Variants in RORA observed in about 807,000 individuals in gnomAD.
RORA encodes the protein RAR related orphan receptor A.
Under a neutral mutation model 69.5 loss-of-function variants are expected in RORA, and 7 were observed. The observed-to-expected ratio is 0.10, with a 90% confidence interval of 0.06 to 0.19. The LOEUF (loss-of-function observed/expected upper bound fraction) is 0.19. Among genes scored for constraint, RORA ranks in the 10% least tolerant of loss-of-function variants. RORA has a pLI of 1.00. For synonymous variants in RORA, 261 were observed against 240.8 expected (o/e 1.08, Z -0.78); for missense variants, 457 against 663.0 (o/e 0.69, Z 3.41).
chr15:60,819,763 A>ACACACACACACACACACACACACGCG (rs2072866427), intron 1 of RORA, among the ~76,000 whole-genome samples: 1 of 140,806 alleles, frequency 7.1e-6, no homozygotes, highest in Admixed American at 7.5e-5. Flanking sequence ...ACACACACAC[A>ACACACACACACACACACACACACGCG]CACACACACA....
rs202004173 is a variant in RORA, at chr15:60,627,578, C to A, written c.196+51079G>T. On this transcript the variant is annotated intron_variant, in intron 2 of 10. Transcript: ENST00000335670. The stretch of plus-strand genomic sequence containing the variant: ...CCAGCCACAAAGAATGAGGTACTTA[C>A]AATTCTCCCATAATTGTTGACTAAA... The A allele has an allele frequency of 7.1e-6, 9 of 1,268,042 alleles. No homozygotes were observed. In the Admixed American group the frequency reaches 1.8e-4, roughly 26 times the overall value. 78.5% of individuals were successfully genotyped at this position (1,268,042 alleles called of 1,614,324 possible).
chr15:60,545,617 A>G (rs774617676), intron 2 of RORA, among the ~76,000 whole-genome samples: 3 of 152,188 alleles, frequency 2.0e-5, no homozygotes, highest in Non-Finnish European at 4.4e-5. Context: ...AGAAAAATCA[A>G]GCCTTTTCCC....
At chr15:60,683,537 A>G (rs2070685865) in intron 1 of RORA, among the ~76,000 whole-genome samples, 1 of 152,152 alleles carries the variant, frequency 6.6e-6, no homozygotes, top group African/African-American at 2.4e-5. Flanking sequence ...AAGGTTATAT[A>G]AGTAAAAGAT....
intron 2 of RORA, among the ~76,000 whole-genome samples, chr15:60,574,208 G>C (rs1038023569): frequency 8.5e-5 from 13 of 152,178 alleles, no homozygotes; most frequent in Admixed American, 5.9e-4. Flanking sequence ...TAGACAGGTT[G>C]CTCTGCGTCT....
chr15:60,615,156 T>G, intron 2 of RORA: 1 of 1,172,024 alleles, frequency 8.5e-7, no homozygotes, highest in East Asian at 2.5e-5. Context: ...TTTCCTCATC[T>G]TAGTGCTAGT....
At chr15:61,182,103 T>A (rs1463886454) in intron 1 of RORA, among the ~76,000 whole-genome samples, 1 of 152,250 alleles carries the variant, frequency 6.6e-6, no homozygotes, top group Non-Finnish European at 1.5e-5. Context: ...CTGTTTTCTT[T>A]ACTGTATTGT....
intron 1 of RORA, among the ~76,000 whole-genome samples, chr15:60,900,598 G>A (rs1285391479): frequency 6.6e-6 from 1 of 152,088 alleles, no homozygotes; most frequent in East Asian, 1.9e-4. Flanking sequence ...TATGGGCTGG[G>A]TGCAGTGGCT....
intron 1 of RORA, among the ~76,000 whole-genome samples, chr15:61,118,441 A>C (rs1318838859): frequency 6.6e-6 from 1 of 152,234 alleles, no homozygotes; most frequent in Non-Finnish European, 1.5e-5. Context: ...TTATTAAGGA[A>C]AACAACCAAA....
At chr15:60,793,722 G>A (rs2072450186) in intron 1 of RORA, among the ~76,000 whole-genome samples, 2 of 152,308 alleles carry the variant, frequency 1.3e-5, no homozygotes, top group South Asian at 4.1e-4. Flanking sequence ...GTTTCACTTG[G>A]GGGAGAATTT....
At chr15:60,685,636 A>G (rs2070734103) in intron 1 of RORA, among the ~76,000 whole-genome samples, 1 of 152,232 alleles carries the variant, frequency 6.6e-6, no homozygotes, top group Non-Finnish European at 1.5e-5. Flanking sequence ...AGAACTATTA[A>G]TGATAATCAG....
intron 1 of RORA, among the ~76,000 whole-genome samples, chr15:60,730,562 A>T (rs1294557741): frequency 6.6e-6 from 1 of 152,144 alleles, no homozygotes; most frequent in Non-Finnish European, 1.5e-5. Flanking sequence ...TTCTCTTTTG[A>T]GGTCAAACTT....
Position 61,128,203 on chromosome 15 carries a change from A to ATG in RORA, c.166+100849_166+100850insCA, listed in dbSNP as rs2079159416. ...ATAATTGCTGTGTGTGTGTATGCAC[A>ATG]CGTGTGTGTGTGTGTGTGTGTCTGT... On this transcript the variant is annotated intron_variant, in intron 1 of 10. Transcript: ENST00000335670. The surrounding 1 kb of genome is among the most constrained non-coding windows in gnomAD (Gnocchi z 4.5). Among the ~76,000 whole-genome samples the ATG allele has an allele frequency of 8.6e-6, 1 of 116,296 alleles. No individual in the cohort carries two copies. Among genetic ancestry groups the ATG allele is most frequent in the East Asian group, 2.3e-4 (1 of 4,440 alleles). 76.3% of individuals were successfully genotyped at this position (116,296 alleles called of 152,430 possible).
chr15:60,514,295 T>G (rs1472101195), intron 4 of RORA, among the ~76,000 whole-genome samples: 1 of 152,136 alleles, frequency 6.6e-6, no homozygotes, highest in African/African-American at 2.4e-5. Context: ...ATTAAGGCCT[T>G]CAGATGACAC....
chr15:60,919,427 A>T (rs1891974411), intron 1 of RORA, among the ~76,000 whole-genome samples: 1 of 152,200 alleles, frequency 6.6e-6, no homozygotes, highest in Non-Finnish European at 1.5e-5. Flanking sequence ...CCTCCGAGTG[A>T]TTTTCCATAA....
At chr15:60,592,716 G>A (rs540145471) in intron 2 of RORA, 6 of 1,051,252 alleles carry the variant, frequency 5.7e-6, no homozygotes, top group Non-Finnish European at 6.9e-6. Context: ...GAGTAGCAGC[G>A]GCGGCTCTGC....
intron 1 of RORA, among the ~76,000 whole-genome samples, chr15:61,146,446 A>G (rs1567010603): frequency 2.6e-5 from 3 of 113,558 alleles, no homozygotes; most frequent in Non-Finnish European, 2.0e-5. Context: ...CCTCCCCCCA[A>G]CACACATACA....
chr15:60,504,337 T>A (rs111306177), intron 6 of RORA, among the ~76,000 whole-genome samples: 8,114 of 151,774 alleles, frequency 0.053, 752 homozygotes, highest in African/African-American at 0.19. Context: ...ACTTGAGGTC[T>A]GGAGTTCAAG....
At chr15:61,078,442 G>A (rs966493584) in intron 1 of RORA, among the ~76,000 whole-genome samples, 5 of 151,546 alleles carry the variant, frequency 3.3e-5, no homozygotes, top group South Asian at 2.1e-4. Context: ...CAAGTGATCC[G>A]CTTGCCTTGG....
intron 1 of RORA, among the ~76,000 whole-genome samples, chr15:60,972,324 A>G (rs1893741155): frequency 6.6e-6 from 1 of 152,246 alleles, no homozygotes. Context: ...AACAGCATAA[A>G]GAGCAGGCTG....
Sources: gnomAD v4.1 joint callset for allele counts (sites outside exome capture counted in the v4.1 genomes callset) on GRCh38, gnomAD v4.1.1 for gene constraint, Gnocchi (gnomAD v3.1) non-coding constraint, MANE v1.5 for transcripts, NCBI Gene and HGNC (gene_info 2026-07-23, HGNC 2026-07-21) for gene names.